TRPC4: variants seen among roughly 807,000 people sequenced by gnomAD.
The protein encoded by TRPC4 is short transient receptor potential channel 4.
A neutral mutation model predicts 99.4 loss-of-function variants in TRPC4; 49 were observed. The ratio of observed to expected loss-of-function variants is 0.49; its 90% CI spans 0.39 to 0.63. The LOEUF (loss-of-function observed/expected upper bound fraction) is 0.63. Among genes scored for constraint, TRPC4 ranks in the 20% least tolerant of loss-of-function variants. The probability of loss-of-function intolerance (pLI) is 0.00; values close to 1 mark genes in which losing one functional copy is unlikely to be tolerated. For missense variants in TRPC4, 898 were observed against 1,152.9 expected, an observed-to-expected ratio of 0.78 and a Z score of 3.20; for synonymous variants, 454 against 425.9, an observed-to-expected ratio of 1.07 and a Z score of -0.81.
intron 3 of TRPC4, among the ~76,000 whole-genome samples, chr13:37,728,059 C>T (rs1955120446): frequency 1.3e-5 from 2 of 151,964 alleles, no homozygotes; most frequent in South Asian, 4.1e-4. Context: ...AGTAAATCCA[C>T]ATATGAAAAA....
chr13:37,634,849 T>C lies in TRPC4; in HGVS notation c.*2054A>G, dbSNP rs1442477787. Among the ~76,000 whole-genome samples, 1 of 152,070 alleles carries C rather than the reference T, an allele frequency of 6.6e-6. No individual in the cohort carries two copies. Among genetic ancestry groups the C allele is most frequent in the Non-Finnish European group, 1.5e-5 (1 of 67,984 alleles). On this transcript the variant is annotated 3_prime_UTR_variant, in exon 11 of 11. Transcript: ENST00000379705. ...CCAGGATTTGCTCTGAGTCCTAATATACTTGAGATAAAGGTGTTCTTGAAA... is the reference window on the plus strand; with the variant it reads ...CCAGGATTTGCTCTGAGTCCTAATACACTTGAGATAAAGGTGTTCTTGAAA...
chr13:37,678,433 A>G (rs1017527540), intron 4 of TRPC4, among the ~76,000 whole-genome samples: 22 of 152,166 alleles, frequency 1.4e-4, no homozygotes, highest in Non-Finnish European at 2.5e-4. Context: ...AGGAACATCA[A>G]TATAGATCTT....
chr13:37,764,002 G>T (rs1956292520), intron 2 of TRPC4, among the ~76,000 whole-genome samples: 1 of 151,678 alleles, frequency 6.6e-6, no homozygotes. Context: ...TACAGCCAGA[G>T]AATCTGGATA....
intron 1 of TRPC4, among the ~76,000 whole-genome samples, chr13:37,825,144 C>T (rs1358695862): frequency 6.6e-6 from 1 of 151,932 alleles, no homozygotes; most frequent in Non-Finnish European, 1.5e-5. Flanking sequence ...TTTATTGCAT[C>T]TATTTGATTC....
At chr13:37,857,694 G>A (rs922404313) in intron 1 of TRPC4, among the ~76,000 whole-genome samples, 3 of 151,474 alleles carry the variant, frequency 2.0e-5, no homozygotes, top group Admixed American at 2.0e-4. Flanking sequence ...TAATGATACT[G>A]GGAAACTGGA....
chr13:37,745,199 T>C (rs1955702128), intron 3 of TRPC4, among the ~76,000 whole-genome samples: 1 of 151,624 alleles, frequency 6.6e-6, no homozygotes. Context: ...ATATATACAG[T>C]TGTCCCCAAG....
intron 1 of TRPC4, among the ~76,000 whole-genome samples, chr13:37,851,728 G>A (rs572278273): frequency 6.6e-6 from 1 of 152,282 alleles, no homozygotes; most frequent in Admixed American, 6.5e-5. Flanking sequence ...CATTGAAAGA[G>A]GCATTGAGGA....
intron 6 of TRPC4, among the ~76,000 whole-genome samples, chr13:37,660,561 T>C (rs9566250): frequency 0.37 from 56,658 of 151,976 alleles, 11,015 homozygotes; most frequent in African/African-American, 0.44. Context: ...TTCAAAATTT[T>C]AACAAAGTTT....
chr13:37,827,644 TGC>T (rs1426145581), intron 1 of TRPC4, among the ~76,000 whole-genome samples: 1 of 152,194 alleles, frequency 6.6e-6, no homozygotes, highest in African/African-American at 2.4e-5. Context: ...GATCTCCAGC[TGC>T]GTACTGGGAG....
intron 2 of TRPC4, among the ~76,000 whole-genome samples, chr13:37,752,124 A>G: frequency 1.2e-5 from 1 of 85,122 alleles, no homozygotes; most frequent in African/African-American, 4.0e-5. Context: ...TACAATAATA[A>G]CTGTAAAATC....
chr13:37,745,976 A>C lies in TRPC4; in HGVS notation c.858T>G (p.Leu286=). 1 of 1,613,712 alleles carries C rather than the reference A, an allele frequency of 6.2e-7. No individual in the cohort carries two copies. Among genetic ancestry groups the C allele is most frequent in the Non-Finnish European group, 8.5e-7 (1 of 1,179,766 alleles). ...ACTTAATGGCCAATTTTAGTCTTGC[A>C]AGATCATTTCCACTTTGTTCTTCTA... is the stretch of plus-strand genomic sequence containing the variant. The part of the protein sequence containing the change: ...SLIEEQSGND[L]ARLKLAIKYR... Residue 286 remains leucine, a synonymous_variant, in exon 3 of 11, where the codon CTT becomes CTG. Transcript: ENST00000379705.
chr13:37,687,603 C>G (rs749140213), intron 4 of TRPC4, among the ~76,000 whole-genome samples: 138 of 152,282 alleles, frequency 9.1e-4, no homozygotes, highest in Non-Finnish European at 1.5e-3. Flanking sequence ...ATAACATGCT[C>G]TAGTTTTCAT....
chr13:37,642,730 CTTTTTCTTTTT>C, intron 8 of TRPC4, among the ~76,000 whole-genome samples: 1 of 22,642 alleles, frequency 4.4e-5, no homozygotes, highest in African/African-American at 1.7e-4. Context: ...ATGATTCTTT[CTTTTTCTTTTT>C]TTTTTTTTTT....
rs370036547 is a variant in TRPC4 at position 37,820,832 on chromosome 13, C to T, written c.-27-37472G>A. Among the ~76,000 whole-genome samples, 253 of 152,138 alleles carry T rather than the reference C, an allele frequency of 1.7e-3. 1 individual carries two copies. Among genetic ancestry groups the T allele is most frequent in the Middle Eastern group, 6.8e-3 (2 of 294 alleles). On this transcript the variant is annotated intron_variant, in intron 1 of 10. Coordinates refer to ENST00000379705, the MANE Select transcript of TRPC4 (RefSeq NM_016179.4). ...AAAAAGACTCACAGCAAACATTATA[C>T]TGAATGGGCAAAAGCTAGAAGCATT... is the stretch of plus-strand genomic sequence containing the variant.
intron 2 of TRPC4, among the ~76,000 whole-genome samples, chr13:37,762,370 T>C (rs1188865250): frequency 6.6e-6 from 1 of 151,808 alleles, no homozygotes; most frequent in East Asian, 2.0e-4. Flanking sequence ...TTACTGGTTA[T>C]ATACCCAAAG....
In TRPC4 at chr13:37,636,909, T is replaced by C. The variant is rs731860; in HGVS notation, c.2928A>G (p.Arg976=). 8,503 of 1,609,486 alleles carry C rather than the reference T, an allele frequency of 5.3e-3. 392 individuals are homozygous for C. In the African/African-American group the frequency reaches 0.097, roughly 18 times the overall value. ...ACGCTTCCTCCTTCAAGTATCACAATCTTGTGGTCACGTAATCTTCGTGGG... is the reference window on the plus strand; with the variant it reads ...ACGCTTCCTCCTTCAAGTATCACAACCTTGTGGTCACGTAATCTTCGTGGG... ...TVTHEDYVTT[R]L Residue 976 remains arginine (R), a synonymous_variant, in exon 11 of 11, where the codon AGA becomes AGG. Coordinates refer to ENST00000379705, the MANE Select transcript of TRPC4 (RefSeq NM_016179.4).
intron 1 of TRPC4, among the ~76,000 whole-genome samples, chr13:37,866,844 T>TTGGG (rs55985932): frequency 3.1e-4 from 26 of 85,086 alleles, no homozygotes; most frequent in Non-Finnish European, 4.6e-4. Context: ...GTTTATTTTT[T>TTGGG]GTGGGGGGGG....
chr13:37,803,827 A>C (rs573216353), intron 1 of TRPC4, among the ~76,000 whole-genome samples: 1 of 151,966 alleles, frequency 6.6e-6, no homozygotes, highest in Non-Finnish European at 1.5e-5. Flanking sequence ...GGCAGAGCCA[A>C]GGCTCCAAGG....
chr13:37,770,616 G>C (rs1158006522), intron 2 of TRPC4, among the ~76,000 whole-genome samples: 3 of 151,548 alleles, frequency 2.0e-5, no homozygotes, highest in Non-Finnish European at 4.4e-5. Flanking sequence ...GTTGAGGTCA[G>C]GGGAATCAAA....
Sources: allele counts gnomAD v4.1 joint callset (sites outside exome capture counted in the v4.1 genomes callset), GRCh38; gene constraint gnomAD v4.1.1; transcripts MANE v1.5; gene names NCBI Gene and HGNC (gene_info 2026-07-23, HGNC 2026-07-21).